Variants in CBL observed in about 807,000 individuals in gnomAD.
CBL encodes E3 ubiquitin-protein ligase CBL.
CBL carries 45 observed loss-of-function variants against 96.9 expected under a neutral mutation model. The ratio of observed to expected loss-of-function variants is 0.46; its 90% confidence interval spans 0.37 to 0.60. CBL has a LOEUF of 0.60. Ranked by LOEUF, CBL falls within the 20% of genes least tolerant of loss-of-function variation. The pLI, the probability that CBL is intolerant of heterozygous loss-of-function variation, is 0.00. For synonymous variants in CBL, 420 were observed against 426.8 expected, an observed-to-expected ratio of 0.98 and a Z score of 0.20; for missense variants, 1,024 against 1,143.5, an observed-to-expected ratio of 0.90 and a Z score of 1.51.
At chr11:119,210,626 T>TTTTTG (rs1415356728) in intron 1 of CBL, among the ~76,000 whole-genome samples, 3 of 149,256 alleles carry the variant, frequency 2.0e-5, no homozygotes, top group African/African-American at 7.4e-5. Context: ...TTTTTTTTTT[T>TTTTTG]TTACTAGAGA....
intron 1 of CBL, among the ~76,000 whole-genome samples, chr11:119,208,955 A>G (rs1157533455): frequency 1.3e-5 from 2 of 152,226 alleles, no homozygotes; most frequent in African/African-American, 4.8e-5. Context: ...GTAGGCTTCT[A>G]GCTTTTCCCT....
intron 2 of CBL, among the ~76,000 whole-genome samples, chr11:119,270,690 C>A (rs961380992): frequency 2.6e-5 from 4 of 151,606 alleles, no homozygotes; most frequent in Admixed American, 6.6e-5. Context: ...TCGTGATCCG[C>A]CCGCCTCGGC....
intron 14 of CBL, 39 bp downstream of exon 14, chr11:119,297,520 G>A (rs1243039989): frequency 7.1e-7 from 1 of 1,404,866 alleles, no homozygotes; most frequent in Non-Finnish European, 1.0e-6. Flanking sequence ...TCATTGATAT[G>A]TCATAGGAAT....
Position 119,232,519 on chromosome 11 carries a change from A to G in CBL, c.267A>G (p.Pro89=). 6 of 1,614,122 alleles carry G rather than the reference A, an allele frequency of 3.7e-6. No individual in the cohort carries two copies. Among genetic ancestry groups the G allele is most frequent in the South Asian group, 1.1e-5 (1 of 91,092 alleles). ...NSPPYILDLL[P]DTYQHLRTIL... ...CACCTTATATCTTAGACCTGCTACC[A>G]GATACCTACCAGCATCTCCGTACTA... is the stretch of plus-strand genomic sequence containing the variant. The change falls in exon 2 of 16, where the codon CCA becomes CCG. Residue 89 remains proline, a synonymous_variant. Transcript: ENST00000264033.
chr11:119,225,666 T>C (rs1949452508), intron 1 of CBL, among the ~76,000 whole-genome samples: 1 of 149,428 alleles, frequency 6.7e-6, no homozygotes, highest in African/African-American at 2.5e-5. Context: ...CAGCTTCAGC[T>C]CCCAAGGTTC....
At chr11:119,225,864 AT>A (rs943187548) in intron 1 of CBL, among the ~76,000 whole-genome samples, 2 of 150,718 alleles carry the variant, frequency 1.3e-5, no homozygotes, top group African/African-American at 4.9e-5. Context: ...AGTAGCTAGG[AT>A]TACCGGCATG....
intron 11 of CBL, among the ~76,000 whole-genome samples, chr11:119,285,965 T>G (rs905466367): frequency 1.3e-5 from 2 of 151,164 alleles, no homozygotes; most frequent in Non-Finnish European, 3.0e-5. Context: ...TGTGATAAGT[T>G]TTATATGGAA....
chr11:119,264,506 G>A (rs1949785569), intron 2 of CBL, among the ~76,000 whole-genome samples: 2 of 144,728 alleles, frequency 1.4e-5, no homozygotes, highest in African/African-American at 5.1e-5. Flanking sequence ...TTTTGAGACA[G>A]GGTCTGTCTC....
chr11:119,295,112 G>T lies in CBL; in HGVS notation c.2037-1806G>T, dbSNP rs576036515. ...GCAGCAGTAGGCTTCCGTGGCTCCGGCTTGGAACCTCTAAGGCACTTGGGG... is the reference window on the plus strand; with the variant it reads ...GCAGCAGTAGGCTTCCGTGGCTCCGTCTTGGAACCTCTAAGGCACTTGGGG... On this transcript the variant is annotated intron_variant, in intron 12 of 15. Coordinates refer to ENST00000264033, the MANE Select transcript of CBL (RefSeq NM_005188.4). Among the ~76,000 whole-genome samples, 13 of 152,288 alleles carry T rather than the reference G, an allele frequency of 8.5e-5. No individual in the cohort carries two copies. The South Asian group carries it at 2.7e-3, about 32-fold the overall frequency.
chr11:119,306,193 TGACA>T lies in CBL; in HGVS notation c.*6420_*6423del, dbSNP rs1042216583. On this transcript the variant is annotated 3_prime_UTR_variant, in exon 16 of 16. Coordinates refer to ENST00000264033, the MANE Select transcript of CBL (RefSeq NM_005188.4). ...GAGCACGGGTGGAAGGGCCGGCTGT[TGACA>T]GACAGACTAAGCTGTGTGGTGCTCT... The T allele has an allele frequency of 7.8e-5, 31 of 398,344 alleles. No individual in the cohort carries two copies. Among genetic ancestry groups the T allele is most frequent in the Non-Finnish European group, 9.7e-5 (22 of 226,044 alleles). The allele number at this position is 398,344 out of a possible 1,614,324, so 24.7% of individuals were successfully genotyped here. A position where few individuals can be genotyped will look rare whatever the true frequency, so the allele number is the denominator to read the frequency against.
intron 3 of CBL, among the ~76,000 whole-genome samples, chr11:119,273,532 C>T (rs1388054142): frequency 6.6e-6 from 1 of 152,186 alleles, no homozygotes; most frequent in East Asian, 1.9e-4. Context: ...GTGATTTTCC[C>T]CCCTCAGCCT....
Position 119,285,184 on chromosome 11 carries a change from C to G in CBL, c.1564-5C>G. ...TACTGATTTGCTTTCACCCTGCTTC[C>G]ACAGGCTGCTTCTGGCTCCCTTCAT... On this transcript the variant is annotated splice_polypyrimidine_tract_variant and splice_region_variant and intron_variant, in intron 10 of 15. Coordinates refer to ENST00000264033, the MANE Select transcript of CBL (RefSeq NM_005188.4). 6.2e-7 allele frequency: 1 copy of G among 1,614,116 alleles called. No individual in the cohort carries two copies. The highest frequency in any genetic ancestry group is 1.7e-5 in the Admixed American group (1 of 60,018).
At chr11:119,221,637 G>A (rs962636165) in intron 1 of CBL, among the ~76,000 whole-genome samples, 3 of 151,898 alleles carry the variant, frequency 2.0e-5, no homozygotes, top group Non-Finnish European at 2.9e-5. Context: ...GCGTGGTGGC[G>A]CATGCCTGTA....
chr11:119,296,846 G>T lies in CBL; in HGVS notation c.2037-72G>T. 1.5e-5 allele frequency: 12 copies of T among 783,550 alleles called. No individual in the cohort carries two copies. The South Asian group carries it at 1.7e-4, about 11-fold the overall frequency. 48.5% of individuals were successfully genotyped at this position (783,550 alleles called of 1,614,324 possible). A position where few individuals can be genotyped will look rare whatever the true frequency, so the allele number is the denominator to read the frequency against. On this transcript the variant is annotated intron_variant, in intron 12 of 15. Transcript: ENST00000264033. ...CAATTTGAGTTATGTCTGTTTTTAA[G>T]CCATTTATTTTATACTTCAAAGTTT... is the stretch of plus-strand genomic sequence containing the variant.
At chr11:119,238,510 C>T (rs1026234114) in intron 2 of CBL, among the ~76,000 whole-genome samples, 2 of 152,032 alleles carry the variant, frequency 1.3e-5, no homozygotes, top group African/African-American at 4.8e-5. Flanking sequence ...GTGCCCGACC[C>T]CTAAATACAA....
intron 1 of CBL, among the ~76,000 whole-genome samples, chr11:119,231,987 A>G (rs1949505939): frequency 6.6e-6 from 1 of 151,780 alleles, no homozygotes; most frequent in Non-Finnish European, 1.5e-5. Context: ...CCGTAGTCCC[A>G]GCTACCCAGG....
rs587778162 is a variant in CBL at position 119,271,851 on chromosome 11, C to T, written c.560C>T (p.Ala187Val). 23 of 1,613,680 alleles carry T rather than the reference C, an allele frequency of 1.4e-5. No homozygotes were observed. The highest frequency in any genetic ancestry group is 2.7e-5 in the African/African-American group (2 of 74,838). The change falls in exon 3 of 16, where the codon GCG becomes GTG. Residue 187 changes from alanine (A) to valine (V), a missense_variant. Coordinates refer to ENST00000264033, the MANE Select transcript of CBL (RefSeq NM_005188.4). ...DTFRITKADA[A>V]EFWRKAFGEK... is the part of the protein sequence containing the mutation. The stretch of plus-strand genomic sequence containing the variant: ...TTTCGGATTACTAAAGCAGATGCTG[C>T]GGAATTTTGGAGAAAAGCTTTTGGG...
intron 12 of CBL, among the ~76,000 whole-genome samples, chr11:119,295,956 A>G (rs1330953031): frequency 1.3e-5 from 2 of 152,206 alleles, no homozygotes; most frequent in Non-Finnish European, 2.9e-5. Context: ...ACAAATCTTA[A>G]GTGGATATTT....
intron 1 of CBL, among the ~76,000 whole-genome samples, chr11:119,206,817 G>A (rs1439467481): frequency 2.0e-5 from 3 of 151,934 alleles, no homozygotes; most frequent in Non-Finnish European, 1.5e-5. Context: ...GGCTGCCGTT[G>A]GGAGTCGGGG....
Sources: gnomAD v4.1 joint callset for allele counts (sites outside exome capture counted in the v4.1 genomes callset) on GRCh38, gnomAD v4.1.1 for gene constraint, MANE v1.5 for transcripts, NCBI Gene and HGNC (gene_info 2026-07-23, HGNC 2026-07-21) for gene names.